The following PCDH15 variants were observed in gnomAD, a reference collection of about 807,000 sequenced individuals.
PCDH15 encodes protocadherin related 15, also known as protocadherin-15.
Under a neutral mutation model 178.5 loss-of-function variants are expected in PCDH15, and 129 were observed. The observed-to-expected ratio is 0.72, with a 90% CI of 0.63 to 0.84. The LOEUF is 0.84. PCDH15 is among the 40% of genes least tolerant of loss of function. PCDH15 has a pLI of 0.00. For missense variants in PCDH15, 2,230 were observed against 2,099.9 expected (o/e 1.06, Z -1.21); for synonymous variants, 800 against 732.0 (o/e 1.09, Z -1.50).
intron 28 of PCDH15, among the ~76,000 whole-genome samples, chr10:53,844,485 C>T (rs987450942): frequency 6.6e-6 from 1 of 151,672 alleles, no homozygotes; most frequent in Admixed American, 6.6e-5. Context: ...AATCAAGAAA[C>T]AGAAAATTTG....
chr10:55,564,453 A>G (rs955455511), intron 2 of PCDH15, among the ~76,000 whole-genome samples: 3 of 151,882 alleles, frequency 2.0e-5, no homozygotes, highest in African/African-American at 7.2e-5. Flanking sequence ...TCAATACTAA[A>G]AAAGCTACAA....
intron 1 of PCDH15, among the ~76,000 whole-genome samples, chr10:55,233,779 G>A (rs1003298466): frequency 3.3e-5 from 5 of 152,022 alleles, no homozygotes; most frequent in African/African-American, 9.7e-5. Context: ...TAAGATAAAA[G>A]CAACATAATT....
intron 7 of PCDH15, among the ~76,000 whole-genome samples, chr10:54,327,434 TTATAA>T (rs1383985164): frequency 2.0e-5 from 3 of 148,986 alleles, no homozygotes; most frequent in Non-Finnish European, 4.5e-5. Context: ...ATATAACATC[TTATAA>T]TATATAATTA....
intron 1 of PCDH15, among the ~76,000 whole-genome samples, chr10:54,736,986 C>A (rs565961670): frequency 6.6e-6 from 1 of 152,202 alleles, no homozygotes; most frequent in African/African-American, 2.4e-5. Flanking sequence ...TTCTGTTTCT[C>A]TCTGAATTAA....
At chr10:54,812,113 G>A (rs1438623267) in intron 3 of PCDH15, among the ~76,000 whole-genome samples, 1 of 151,934 alleles carries the variant, frequency 6.6e-6, no homozygotes, top group African/African-American at 2.4e-5. Context: ...GAGAATATCA[G>A]TTATAAAACA....
intron 1 of PCDH15, among the ~76,000 whole-genome samples, chr10:55,266,163 A>T (rs2132241205): frequency 6.6e-6 from 1 of 152,180 alleles, no homozygotes; most frequent in African/African-American, 2.4e-5. Context: ...CTTGTATAAT[A>T]CACATGTTTA....
At chr10:54,965,631 ATATATATG>A (rs1282766533) in intron 2 of PCDH15, among the ~76,000 whole-genome samples, 7 of 132,106 alleles carry the variant, frequency 5.3e-5, no homozygotes, top group Admixed American at 3.2e-4. Context: ...ATATATATAT[ATATATATG>A]TTGGGTATAT....
At chr10:55,416,136 C>T (rs1430289055) in intron 2 of PCDH15, among the ~76,000 whole-genome samples, 2 of 151,558 alleles carry the variant, frequency 1.3e-5, no homozygotes, top group African/African-American at 2.4e-5. Context: ...AAAAGTAACA[C>T]TAAAAAAGTA....
chr10:53,916,951 C>A, intron 25 of PCDH15, among the ~76,000 whole-genome samples: 1 of 151,156 alleles, frequency 6.6e-6, no homozygotes, highest in African/African-American at 2.4e-5. Context: ...AAAAAAATAC[C>A]AATAGCATGA....
rs1564837762 is a variant in PCDH15, at chr10:55,147,455, T to TTA, written c.-80+19120_-80+19121insTA. On this transcript the variant is annotated intron_variant, in intron 2 of 5. Transcript: ENST00000458638. The stretch of plus-strand genomic sequence containing the variant: ...TTTAAAAGCACCTAATTTCAATTTT[T>TTA]AAAAAAAATTTTTTTGGAATGAAAA... Among the ~76,000 whole-genome samples, 490 of 151,598 alleles carry TTA rather than the reference T, an allele frequency of 3.2e-3. 5 individuals are homozygous for TTA. The highest frequency in any genetic ancestry group is 0.011 in the African/African-American group (440 of 41,488).
intron 2 of PCDH15, among the ~76,000 whole-genome samples, chr10:54,649,083 G>A (rs1203394217): frequency 6.6e-6 from 1 of 152,140 alleles, no homozygotes; most frequent in Non-Finnish European, 1.5e-5. Context: ...ACAAGAGTAG[G>A]GAACATTAAC....
intron 2 of PCDH15, among the ~76,000 whole-genome samples, chr10:55,395,210 A>T (rs866279802): frequency 0.2 from 29,068 of 143,948 alleles, 3,140 homozygotes; most frequent in Non-Finnish European, 0.29. Flanking sequence ...AGAGAGAGAG[A>T]GAGAGAGAGA....
intron 2 of PCDH15, among the ~76,000 whole-genome samples, chr10:54,532,777 C>A (rs939238142): frequency 6.6e-6 from 1 of 151,512 alleles, no homozygotes; most frequent in Admixed American, 6.6e-5. Context: ...AAAAAAACAA[C>A]TAATTCCAGG....
At chr10:55,271,516 A>G (rs1842443713) in intron 1 of PCDH15, among the ~76,000 whole-genome samples, 1 of 152,074 alleles carries the variant, frequency 6.6e-6, no homozygotes, top group Admixed American at 6.5e-5. Flanking sequence ...AAAATTTGCT[A>G]TTTTGCTATC....
At chr10:54,497,837 T>C (rs1268371130) in intron 3 of PCDH15, among the ~76,000 whole-genome samples, 1 of 152,116 alleles carries the variant, frequency 6.6e-6, no homozygotes, top group East Asian at 1.9e-4. Flanking sequence ...CTCATTGGCA[T>C]TCCTGAAAGA....
intron 11 of PCDH15, among the ~76,000 whole-genome samples, chr10:54,187,365 T>G (rs535669422): frequency 6.4e-4 from 98 of 152,068 alleles, no homozygotes; most frequent in Non-Finnish European, 4.4e-5. Flanking sequence ...TAATGCAATA[T>G]TTCAATAAGT....
At position 53,840,388 on chromosome 10, in the gene PCDH15, T is replaced by A; in HGVS notation, c.3915A>T (p.Lys1305Asn). 7 of 1,614,078 alleles carry A rather than the reference T, an allele frequency of 4.3e-6. No homozygotes were observed. The highest frequency in any genetic ancestry group is 5.9e-6 in the Non-Finnish European group (7 of 1,179,976). The change falls in exon 29 of 38, where the codon AAA becomes AAT. Residue 1305 changes from lysine (K) to asparagine (N), a missense_variant. By Grantham distance (94) the Lys-to-Asn change is moderately conservative. Transcript: ENST00000644397. ...CAATTGCATAGACAGTCAAGTCACA[T>A]TTGGTGTAATCTTCTAGGGAAAAGG... ...GDAFSLEDYT[K>N]CDLTVYAIDP...
At chr10:54,317,583 T>C in intron 7 of PCDH15, 142 bp from the exon 8 acceptor site, 1 of 922,580 alleles carries the variant, frequency 1.1e-6, no homozygotes, top group Non-Finnish European at 1.7e-6. Flanking sequence ...GATACCAGCC[T>C]GGCAAACATG....
intron 1 of PCDH15, among the ~76,000 whole-genome samples, chr10:55,278,448 C>T (rs1842649352): frequency 6.6e-6 from 1 of 152,024 alleles, no homozygotes. Context: ...TGGTTACGAA[C>T]TCCTGGCCTC....
Sources: gnomAD v4.1 joint callset for allele counts (sites outside exome capture counted in the v4.1 genomes callset) on GRCh38, gnomAD v4.1.1 for gene constraint, MANE v1.5 for transcripts, NCBI Gene and HGNC (gene_info 2026-07-23, HGNC 2026-07-21) for gene names.